Variants in ST18 observed in about 807,000 individuals in gnomAD.
ST18 encodes suppression of tumorigenicity 18 protein.
A neutral mutation model predicts 110.0 loss-of-function variants in ST18; 50 were observed. That is an observed-to-expected ratio of 0.45 (90% CI 0.36 to 0.58). The LOEUF (loss-of-function observed/expected upper bound fraction) is 0.58, where lower values mean the gene tolerates loss of function less well. Among genes scored for constraint, ST18 ranks in the 20% least tolerant of loss-of-function variants. ST18 has a pLI of 0.00. For synonymous variants in ST18, 461 were observed against 452.4 expected, an observed-to-expected ratio of 1.02 and a Z score of -0.24; for missense variants, 1,306 against 1,280.1, an observed-to-expected ratio of 1.02 and a Z score of -0.31.
intron 8 of ST18, among the ~76,000 whole-genome samples, chr8:52,203,529 A>T (rs975870180): frequency 6.6e-6 from 1 of 152,174 alleles, no homozygotes; most frequent in Non-Finnish European, 1.5e-5. Context: ...ACATTATGGG[A>T]CACATTTTAT....
At chr8:52,342,185 A>T (rs530381758) in intron 2 of ST18, among the ~76,000 whole-genome samples, 1 of 152,348 alleles carries the variant, frequency 6.6e-6, no homozygotes, top group Admixed American at 6.5e-5. Flanking sequence ...TACACATATC[A>T]AAACATCATG....
chr8:52,180,510 G>A (rs984557908), intron 8 of ST18, among the ~76,000 whole-genome samples, 198 bp from the exon 9 acceptor site: 2 of 151,768 alleles, frequency 1.3e-5, no homozygotes, highest in African/African-American at 2.4e-5. Context: ...CTTATCAGAA[G>A]AATTTTTTTT....
chr8:52,273,834 C>T (rs943567914), intron 2 of ST18, among the ~76,000 whole-genome samples: 1 of 152,166 alleles, frequency 6.6e-6, no homozygotes, highest in African/African-American at 2.4e-5. Flanking sequence ...AATCATCAAG[C>T]ACACTAATTA....
At chr8:52,156,999 C>T (rs2060194524) in intron 15 of ST18, among the ~76,000 whole-genome samples, 1 of 152,162 alleles carries the variant, frequency 6.6e-6, no homozygotes, top group Non-Finnish European at 1.5e-5. Flanking sequence ...CACTGAAAGG[C>T]TGAGGCGTGC....
intron 8 of ST18, chr8:52,199,454 G>A (rs895878039): frequency 2.6e-5 from 4 of 152,128 alleles, no homozygotes; most frequent in African/African-American, 4.8e-5. Flanking sequence ...CACAGGGATC[G>A]TGGGGTTAAA....
Position 52,110,838 on chromosome 8 carries a change from T to C in ST18, c.*2360A>G, listed in dbSNP as rs2040338786. ...AGCCTGAGAAAGATCACATCAAAACTCGTTATCAATTTTTATTTCCTACCA... is the reference window on the plus strand; with the variant it reads ...AGCCTGAGAAAGATCACATCAAAACCCGTTATCAATTTTTATTTCCTACCA... On this transcript the variant is annotated 3_prime_UTR_variant, in exon 26 of 26. Coordinates refer to ENST00000689386, the MANE Select transcript of ST18 (RefSeq NM_001352837.2). 2.7e-6 allele frequency: 1 copy of C among 375,870 alleles called. No individual in the cohort carries two copies. Among genetic ancestry groups the C allele is most frequent in the Non-Finnish European group, 4.7e-6 (1 of 211,338 alleles). 23.3% of individuals were successfully genotyped at this position (375,870 alleles called of 1,614,324 possible).
chr8:52,170,452 C>CAATAAATA lies in ST18; in HGVS notation c.1069+1332_1069+1339dup, dbSNP rs562661652. ...GGGCAACAGAGCAAAACTCAAAAAT[C>CAATAAATA]AATAAATAAATAAATAAATAAATAA... On this transcript the variant is annotated intron_variant, in intron 10 of 25. Coordinates refer to ENST00000689386, the MANE Select transcript of ST18 (RefSeq NM_001352837.2). Among the ~76,000 whole-genome samples, 749 of 128,086 alleles carry CAATAAATA rather than the reference C, an allele frequency of 5.8e-3. 3 individuals are homozygous for CAATAAATA. Among genetic ancestry groups the CAATAAATA allele is most frequent in the African/African-American group, 8.1e-3 (226 of 27,764 alleles). The allele number at this position is 128,086 out of a possible 152,430, so 84.0% of individuals were successfully genotyped here.
chr8:52,350,506 G>A (rs748307730), intron 2 of ST18, among the ~76,000 whole-genome samples: 1 of 152,032 alleles, frequency 6.6e-6, no homozygotes, highest in Non-Finnish European at 1.5e-5. Flanking sequence ...TGTGAAATGA[G>A]GTACAGTCAT....
intron 10 of ST18, 109 bp downstream of exon 10, chr8:52,171,683 G>A (rs1160982777): frequency 1.8e-6 from 2 of 1,089,594 alleles, no homozygotes; most frequent in African/African-American, 3.2e-5. Context: ...TGATTTTTAA[G>A]TTGCATTAAA....
intron 8 of ST18, among the ~76,000 whole-genome samples, chr8:52,193,928 T>C (rs2075376361): frequency 6.6e-6 from 1 of 152,232 alleles, no homozygotes; most frequent in Admixed American, 6.5e-5. Context: ...ACTCATGTCA[T>C]AAATTCAGCG....
intron 8 of ST18, among the ~76,000 whole-genome samples, chr8:52,189,819 T>C (rs1039126021): frequency 2.6e-5 from 4 of 152,212 alleles, no homozygotes; most frequent in African/African-American, 9.6e-5. Context: ...GGGGGTGTCC[T>C]GGCTTCACAA....
Position 52,370,738 on chromosome 8 carries a change from A to T in ST18, c.-465+38590T>A, listed in dbSNP as rs2360792. ...TCTGTAGGTTTGAGGGTCCCTTTCT[A>T]TCATCACCCCTTGCCTTCAGGGGCT... On this transcript the variant is annotated intron_variant, in intron 2 of 25. Transcript: ENST00000689386. Among the ~76,000 whole-genome samples the T allele has an allele frequency of 2.6e-5, 4 of 151,912 alleles. No homozygotes were observed. In the East Asian group the frequency reaches 5.8e-4, roughly 22 times the overall value.
intron 2 of ST18, among the ~76,000 whole-genome samples, chr8:52,238,650 CATAT>C (rs1169253458): frequency 1.3e-5 from 2 of 151,982 alleles, no homozygotes; most frequent in Non-Finnish European, 2.9e-5. Flanking sequence ...TGTGCACATA[CATAT>C]ATACAACATG....
rs370947808 is a variant in ST18 at position 52,304,393 on chromosome 8, G to C, written c.-464-74316C>G. Reference sequence around the variant, plus strand: ...GTACTGATAAGGTTAAAAGTAAAGAGAGAAACAATATCAGAGAATTAAAGT... The same window carrying C: ...GTACTGATAAGGTTAAAAGTAAAGACAGAAACAATATCAGAGAATTAAAGT... On this transcript the variant is annotated intron_variant, in intron 2 of 25. Transcript: ENST00000689386. Among the ~76,000 whole-genome samples, 15 of 152,108 alleles carry C rather than the reference G, an allele frequency of 9.9e-5. 1 individual carries two copies. Among genetic ancestry groups the C allele is most frequent in the Admixed American group, 9.8e-4 (15 of 15,266 alleles).
Position 52,341,483 on chromosome 8 carries a change from C to T in ST18, c.-465+67845G>A, listed in dbSNP as rs138994842. 3.7e-4 allele frequency among the ~76,000 whole-genome samples: 56 copies of T among 152,344 alleles called. No homozygotes were observed. In the East Asian group the frequency reaches 3.9e-3, roughly 10 times the overall value. On this transcript the variant is annotated intron_variant, in intron 2 of 25. Transcript: ENST00000689386. Reference sequence around the variant, plus strand: ...TCCTAATCCCTGGAAATGAAGACTGCGTTGCCTTGCATGGCAAAGGGCAAT... The same window carrying T: ...TCCTAATCCCTGGAAATGAAGACTGTGTTGCCTTGCATGGCAAAGGGCAAT...
At chr8:52,222,929 C>T (rs750890396) in intron 3 of ST18, among the ~76,000 whole-genome samples, 10 of 152,074 alleles carry the variant, frequency 6.6e-5, no homozygotes, top group Non-Finnish European at 1.0e-4. Flanking sequence ...CCCCCACCTA[C>T]TTAGATGAAT....
intron 2 of ST18, among the ~76,000 whole-genome samples, chr8:52,283,107 G>A (rs899103646): frequency 4.6e-5 from 7 of 152,184 alleles, no homozygotes; most frequent in Admixed American, 4.6e-4. Flanking sequence ...GATGTATTTT[G>A]GTTAGAACTG....
chr8:52,321,119 G>T (rs1224471266), intron 2 of ST18, among the ~76,000 whole-genome samples: 1 of 152,124 alleles, frequency 6.6e-6, no homozygotes, highest in Non-Finnish European at 1.5e-5. Flanking sequence ...CAAAAGCAGG[G>T]CCGTGTATTG....
At position 52,169,730 on chromosome 8, in the gene ST18, T is replaced by C. The variant is rs143524565; in HGVS notation, c.1069+2062A>G. ...AAGGAATAGGAAAGGGAATACTCAGTTTGCAGGCCTCCTCTAGACTAAGCC... is the reference window on the plus strand; with the variant it reads ...AAGGAATAGGAAAGGGAATACTCAGCTTGCAGGCCTCCTCTAGACTAAGCC... On this transcript the variant is annotated intron_variant, in intron 10 of 25. Coordinates refer to ENST00000689386, the MANE Select transcript of ST18 (RefSeq NM_001352837.2). 9.5e-3 allele frequency among the ~76,000 whole-genome samples: 1,441 copies of C among 152,238 alleles called. 20 individuals carry two copies. The highest frequency in any genetic ancestry group is 0.027 in the Middle Eastern group (8 of 294).
Sources: gnomAD v4.1 joint callset for allele counts (sites outside exome capture counted in the v4.1 genomes callset) on GRCh38, gnomAD v4.1.1 for gene constraint, MANE v1.5 for transcripts, NCBI Gene and HGNC (gene_info 2026-07-23, HGNC 2026-07-21) for gene names.